PCDH11X: variants seen among roughly 807,000 people sequenced by gnomAD.
The protein encoded by PCDH11X is protocadherin 11 X-linked.
In PCDH11X, 18 loss-of-function variants were observed where a neutral mutation model predicts 53.3. The observed-to-expected ratio is 0.34, with a 90% CI of 0.23 to 0.50. PCDH11X has a LOEUF of 0.50. Among genes scored for constraint, PCDH11X ranks in the 20% least tolerant of loss-of-function variants. The pLI is 0.98. For synonymous variants in PCDH11X, 279 were observed against 393.3 expected (o/e 0.71, Z 3.44); for missense variants, 570 against 1,032.4 (o/e 0.55, Z 6.14).
Position 92,274,679 on chromosome X carries a change from A to G in PCDH11X, c.3144+11536A>G, listed in dbSNP as rs750789605. On this transcript the variant is annotated intron_variant, in intron 8 of 10. Coordinates refer to ENST00000682573, the MANE Select transcript of PCDH11X (RefSeq NM_032968.5). ...TGAGGAGTAGTAGAATAGCAGATGG[A>G]ACACTGAGAAGTTATTTCCTTGAGG... Among the ~76,000 whole-genome samples, 5 of 110,617 alleles carry G rather than the reference A, an allele frequency of 4.5e-5. No individual in the cohort carries two copies. In the South Asian group the frequency reaches 1.9e-3, roughly 43 times the overall value.
In PCDH11X at chrX:92,310,534, G is replaced by A. The variant is rs190960852; in HGVS notation, c.3144+47391G>A. On this transcript the variant is annotated intron_variant, in intron 8 of 10. Transcript: ENST00000682573. Reference sequence around the variant, plus strand: ...CTCCTAAGTAGCTGGGATTACAGGTGCCCCCCACCACATTGGGCTAATTTT... The same window carrying A: ...CTCCTAAGTAGCTGGGATTACAGGTACCCCCCACCACATTGGGCTAATTTT... Among the ~76,000 whole-genome samples, 3 of 110,423 alleles carry A rather than the reference G, an allele frequency of 2.7e-5. No homozygotes were observed. The East Asian group carries it at 8.6e-4, about 32-fold the overall frequency.
intron 5 of PCDH11X, among the ~76,000 whole-genome samples, chrX:91,857,431 TC>T (rs961321812): frequency 7.2e-5 from 8 of 111,198 alleles, no homozygotes; most frequent in African/African-American, 2.6e-4. Flanking sequence ...AATCATAGCT[TC>T]CCAACTGTCC....
At chrX:92,009,700 C>CTTTTTTTTTTTT (rs68159170) in intron 6 of PCDH11X, among the ~76,000 whole-genome samples, 2 of 66,642 alleles carry the variant, frequency 3.0e-5, no homozygotes, top group African/African-American at 1.1e-4. Flanking sequence ...TGACTGTTGC[C>CTTTTTTTTTTTT]TTTTTTTTTT....
intron 6 of PCDH11X, among the ~76,000 whole-genome samples, chrX:92,053,778 C>T (rs1290972410): frequency 9.1e-6 from 1 of 110,167 alleles, no homozygotes; most frequent in Non-Finnish European, 1.9e-5. Flanking sequence ...ACCATCTTGG[C>T]CAGGCTGGTC....
intron 7 of PCDH11X, among the ~76,000 whole-genome samples, chrX:92,232,325 C>A (rs1408511895): frequency 1.8e-5 from 2 of 111,145 alleles, no homozygotes; most frequent in Non-Finnish European, 3.8e-5. Context: ...GGACCCTGTG[C>A]GGTCTAACAG....
chrX:91,855,656 G>A (rs1043612721), intron 5 of PCDH11X, among the ~76,000 whole-genome samples: 1 of 109,532 alleles, frequency 9.1e-6, no homozygotes, highest in Non-Finnish European at 1.9e-5. Flanking sequence ...CCCTTTTTTG[G>A]TGCCCTCTTC....
At chrX:92,119,624 A>T in intron 6 of PCDH11X, among the ~76,000 whole-genome samples, 1 of 111,495 alleles carries the variant, frequency 9.0e-6, no homozygotes, top group Middle Eastern at 4.6e-3. Context: ...AAACAAACTT[A>T]TTAGTAATAA....
intron 10 of PCDH11X, among the ~76,000 whole-genome samples, chrX:92,588,917 C>A (rs1436894239): frequency 1.8e-5 from 2 of 110,400 alleles, no homozygotes; most frequent in Non-Finnish European, 3.8e-5. Context: ...ATCCTAAAAG[C>A]ACCACAGGGA....
At position 92,161,425 on chromosome X, in the gene PCDH11X, G is replaced by GT. The variant is rs1000077342; in HGVS notation, c.3034-39944dup. Among the ~76,000 whole-genome samples the GT allele has an allele frequency of 1.2e-3, 128 of 111,176 alleles. 1 individual carries two copies. The highest frequency in any genetic ancestry group is 4.0e-3 in the African/African-American group (123 of 30,646). ...CGTTTTCTTTTTTAGGTTACCTGGT[G>GT]TTTTTTCCTCACAGCTCTTAAGATT... On this transcript the variant is annotated intron_variant, in intron 6 of 10. Coordinates refer to ENST00000682573, the MANE Select transcript of PCDH11X (RefSeq NM_032968.5).
chrX:91,962,923 G>T (rs1237637545), intron 6 of PCDH11X, among the ~76,000 whole-genome samples: 20 of 110,507 alleles, frequency 1.8e-4, no homozygotes, highest in African/African-American at 6.6e-4. Flanking sequence ...AATCATGGCT[G>T]GGACACAGGG....
intron 6 of PCDH11X, among the ~76,000 whole-genome samples, chrX:92,152,890 C>T (rs982061902): frequency 9.1e-6 from 1 of 109,380 alleles, no homozygotes; most frequent in Admixed American, 9.9e-5. Context: ...CTCCGCCTCC[C>T]AGGTTCAAGT....
At chrX:92,614,317 A>G (rs1307313044) in intron 10 of PCDH11X, among the ~76,000 whole-genome samples, 1 of 110,639 alleles carries the variant, frequency 9.0e-6, no homozygotes. Context: ...TTTTTATTTC[A>G]GTATAACATT....
chrX:92,279,228 A>C (rs1209372732), intron 8 of PCDH11X, among the ~76,000 whole-genome samples: 1 of 112,348 alleles, frequency 8.9e-6, no homozygotes, highest in African/African-American at 3.2e-5. Flanking sequence ...ATACACTTTA[A>C]CAGCTTGTTT....
At chrX:92,292,530 G>A (rs2068513767) in intron 8 of PCDH11X, among the ~76,000 whole-genome samples, 2 of 111,652 alleles carry the variant, frequency 1.8e-5, no homozygotes, top group Non-Finnish European at 3.8e-5. Context: ...TTTTAAAAAT[G>A]CCTCTCTTAA....
Position 92,365,294 on chromosome X carries a change from A to G in PCDH11X, c.3145-22441A>G, listed in dbSNP as rs771810260. Among the ~76,000 whole-genome samples, 5 of 104,762 alleles carry G rather than the reference A, an allele frequency of 4.8e-5. No individual in the cohort carries two copies. The South Asian group carries it at 2.1e-3, about 44-fold the overall frequency. 91.0% of individuals were successfully genotyped at this position (104,762 alleles called of 115,157 possible). ...GTATAGTATAGAAAATATATAAACC[A>G]ATAACATAGTTATTTATTATCATTA... is the stretch of plus-strand genomic sequence containing the variant. On this transcript the variant is annotated intron_variant, in intron 8 of 10. Transcript: ENST00000682573.
chrX:92,025,441 A>G (rs1478779052), intron 6 of PCDH11X, among the ~76,000 whole-genome samples: 1 of 99,109 alleles, frequency 1.0e-5, no homozygotes, highest in Non-Finnish European at 2.0e-5. Context: ...TGCAGCCAAC[A>G]ACCTTATGAA....
intron 6 of PCDH11X, among the ~76,000 whole-genome samples, chrX:91,933,907 A>G (rs1180457744): frequency 9.1e-6 from 1 of 109,721 alleles, no homozygotes; most frequent in Non-Finnish European, 1.9e-5. Context: ...CAATTAACAA[A>G]AATCACCCAA....
intron 8 of PCDH11X, among the ~76,000 whole-genome samples, chrX:92,359,329 GA>G (rs1416084909): frequency 9.1e-6 from 1 of 109,823 alleles, no homozygotes; most frequent in Non-Finnish European, 1.9e-5. Flanking sequence ...TGACTGTAAT[GA>G]AAAGTCTATA....
intron 9 of PCDH11X, among the ~76,000 whole-genome samples, chrX:92,435,940 AC>A (rs1331456526): frequency 9.2e-6 from 1 of 109,154 alleles, no homozygotes; most frequent in Non-Finnish European, 1.9e-5. Context: ...ACATATCAAT[AC>A]CAACATTGAA....
Sources: allele counts gnomAD v4.1 joint callset (sites outside exome capture counted in the v4.1 genomes callset), GRCh38; gene constraint gnomAD v4.1.1; transcripts MANE v1.5; gene names NCBI Gene and HGNC (gene_info 2026-07-23, HGNC 2026-07-21).